Variants in PDIA4 observed in about 807,000 individuals in gnomAD.
PDIA4 encodes protein disulfide-isomerase A4.
Under a neutral mutation model 62.1 loss-of-function variants are expected in PDIA4, and 33 were observed. The ratio of observed to expected loss-of-function variants is 0.53; its 90% CI spans 0.40 to 0.71. The LOEUF (loss-of-function observed/expected upper bound fraction) is 0.71, where lower values mean the gene tolerates loss of function less well. PDIA4 is among the 30% of genes least tolerant of loss of function. The pLI is 0.00. For synonymous variants in PDIA4, 341 were observed against 324.1 expected (o/e 1.05, Z -0.56); for missense variants, 804 against 813.6 (o/e 0.99, Z 0.14).
intron 7 of PDIA4, 61 bp from the exon 8 acceptor site, chr7:149,006,114 CAAT>C: frequency 1.3e-6 from 2 of 1,511,394 alleles, no homozygotes; most frequent in South Asian, 1.4e-5. Flanking sequence ...TTCTTGAGTA[CAAT>C]GTTTGAGGGA....
intron 4 of PDIA4, among the ~76,000 whole-genome samples, chr7:149,012,998 A>G (rs1824003978): frequency 1.3e-5 from 2 of 152,130 alleles, no homozygotes; most frequent in Non-Finnish European, 2.9e-5. Flanking sequence ...CTGTAATCGC[A>G]GCACTTTGGG....
intron 6 of PDIA4, 148 bp downstream of exon 6, chr7:149,011,698 C>T (rs1332912605): frequency 6.4e-6 from 4 of 628,944 alleles, no homozygotes; most frequent in Non-Finnish European, 1.0e-5. Flanking sequence ...CCAGCCCCAA[C>T]TCCAACCCCA....
chr7:149,005,305 G>C lies in PDIA4; in HGVS notation c.1358C>G (p.Ala453Gly), dbSNP rs773691522. The C allele has an allele frequency of 6.2e-7, 1 of 1,614,028 alleles. No homozygotes were observed. Among genetic ancestry groups the C allele is most frequent in the Admixed American group, 1.7e-5 (1 of 60,018 alleles). ...KDFPEYTFAI[A>G]DEEDYAGEVK... The stretch of plus-strand genomic sequence containing the variant: ...CTCCCCAGCATAGTCCTCTTCGTCC[G>C]CAATGGCAAAGGTGTACTCAGGGAA... The change falls in exon 9 of 10, where the codon GCG becomes GGG. Residue 453 changes from alanine to glycine, a missense_variant. Transcript: ENST00000652332.
intron 8 of PDIA4, 94 bp downstream of exon 8, chr7:149,005,803 C>A: frequency 9.6e-7 from 1 of 1,038,746 alleles, no homozygotes; most frequent in Non-Finnish European, 1.4e-6. Context: ...GAGCCATGTA[C>A]ATACAGCCAC....
intron 1 of PDIA4, among the ~76,000 whole-genome samples, chr7:149,022,931 C>T (rs1243686094): frequency 6.6e-6 from 1 of 152,252 alleles, no homozygotes; most frequent in Non-Finnish European, 1.5e-5. Flanking sequence ...TCCTTTTAAA[C>T]ATCCCACAGC....
chr7:149,012,260 C>A lies in PDIA4; in HGVS notation c.715G>T (p.Ala239Ser), dbSNP rs779492257. Residue 239 changes from alanine to serine, a missense_variant, in exon 5 of 10, where the codon GCA (alanine) becomes TCA (serine). Coordinates refer to ENST00000652332, the MANE Select transcript of PDIA4 (RefSeq NM_004911.5). ...PIPLAKVDAT[A>S]ETDLAKRFDV... Reference sequence around the variant, plus strand: ...AACCTCTTGGCCAGGTCTGTTTCTGCGGTGGCGTCGACCTTTGCCAGGGGA... The same window carrying A: ...AACCTCTTGGCCAGGTCTGTTTCTGAGGTGGCGTCGACCTTTGCCAGGGGA... The A allele has an allele frequency of 1.5e-5, 24 of 1,613,954 alleles. No homozygotes were observed. In the South Asian group the frequency reaches 2.5e-4, roughly 17 times the overall value.
Position 149,003,791 on chromosome 7 carries a change from C to G in PDIA4, c.*3G>C. 6.5e-7 allele frequency: 1 copy of G among 1,530,620 alleles called. No homozygotes were observed. Among genetic ancestry groups the G allele is most frequent in the South Asian group, 1.3e-5 (1 of 76,448 alleles). The allele number at this position is 1,530,620 out of a possible 1,614,324, so 94.8% of individuals were successfully genotyped here. A position where few individuals can be genotyped will look rare whatever the true frequency, so the allele number is the denominator to read the frequency against. ...CCTCCCACCTTCCGCAGACCTCAGG[C>G]CTTCAAAGCTCTTCCTTGGTCCTGC... is the stretch of plus-strand genomic sequence containing the variant. On this transcript the variant is annotated 3_prime_UTR_variant, in exon 10 of 10. Transcript: ENST00000652332.
intron 1 of PDIA4, among the ~76,000 whole-genome samples, chr7:149,023,206 C>T (rs564523291): frequency 3.3e-5 from 5 of 152,288 alleles, no homozygotes; most frequent in South Asian, 4.1e-4. Flanking sequence ...CAGGCAGGGG[C>T]CAGGCTGACA....
intron 1 of PDIA4, among the ~76,000 whole-genome samples, chr7:149,024,863 G>A (rs1267845136): frequency 5.2e-5 from 7 of 135,800 alleles, no homozygotes; most frequent in Admixed American, 2.3e-4. Flanking sequence ...GATGGCTCAC[G>A]CCTGTAACCC....
chr7:149,015,146 C>T (rs1213330069), intron 3 of PDIA4, 104 bp from the exon 4 acceptor site: 33 of 1,174,678 alleles, frequency 2.8e-5, no homozygotes, highest in Non-Finnish European at 3.6e-5. Context: ...AGTGTCGGGG[C>T]CCACAAGAAC....
chr7:149,015,243 C>G (rs749381872), intron 3 of PDIA4, among the ~76,000 whole-genome samples: 1 of 152,116 alleles, frequency 6.6e-6, no homozygotes, highest in African/African-American at 2.4e-5. Context: ...TATTTCCCAA[C>G]AATTGTCCAT....
At position 149,012,149 on chromosome 7, in the gene PDIA4, C is replaced by T. The variant is rs781689302; in HGVS notation, c.820+6G>A. 5.0e-6 allele frequency: 8 copies of T among 1,613,922 alleles called. No homozygotes were observed. The East Asian group carries it at 1.6e-4, about 31-fold the overall frequency. ...ACTGTAGTGGGAGAGAAGGGAGTGG[C>T]CATACCATATTTTTCTCGTGGGCCG... On this transcript the variant is annotated splice_donor_region_variant and intron_variant, in intron 5 of 9. Transcript: ENST00000652332.
intron 3 of PDIA4, 116 bp from the exon 4 acceptor site, chr7:149,015,158 G>A: frequency 1.9e-6 from 2 of 1,032,186 alleles, no homozygotes; most frequent in Admixed American, 5.1e-5. Flanking sequence ...CACAAGAACA[G>A]GAGGTGTCTG....
At chr7:149,012,077 C>A in intron 5 of PDIA4, 73 bp from the exon 6 acceptor site, 6 of 1,607,746 alleles carry the variant, frequency 3.7e-6, no homozygotes, top group Non-Finnish European at 5.1e-6. Flanking sequence ...CCTGCCAGCC[C>A]CCAGCACCTT....
chr7:149,018,879 A>T, intron 3 of PDIA4, 113 bp downstream of exon 3: 1 of 400,598 alleles, frequency 2.5e-6, no homozygotes, highest in Non-Finnish European at 4.8e-6. Context: ...CAGAGGGCTA[A>T]GGTTCCTGAG....
intron 4 of PDIA4, among the ~76,000 whole-genome samples, chr7:149,012,629 G>C (rs1372928808): frequency 6.6e-6 from 1 of 152,134 alleles, no homozygotes; most frequent in African/African-American, 2.4e-5. Flanking sequence ...TAGTAACTGC[G>C]GCACAGGGGA....
chr7:149,022,547 G>A lies in PDIA4; in HGVS notation c.89-1400C>T, dbSNP rs78781043. ...TTAACGCTGAAGCCAGAATGTTTCC[G>A]GGGCCAATTATTCTTTTCTGGAGAT... is the stretch of plus-strand genomic sequence containing the variant. On this transcript the variant is annotated intron_variant, in intron 1 of 9. Coordinates refer to ENST00000652332, the MANE Select transcript of PDIA4 (RefSeq NM_004911.5). 7.4e-3 allele frequency among the ~76,000 whole-genome samples: 1,126 copies of A among 152,236 alleles called. 21 individuals carry two copies. The highest frequency in any genetic ancestry group is 0.024 in the African/African-American group (1,007 of 41,530).
intron 1 of PDIA4, among the ~76,000 whole-genome samples, chr7:149,023,498 A>T (rs1824426575): frequency 6.6e-6 from 1 of 151,990 alleles, no homozygotes; most frequent in African/African-American, 2.4e-5. Flanking sequence ...GTGGTCCCTG[A>T]GGGAGACCAC....
At chr7:149,020,799 C>T (rs149353188) in intron 2 of PDIA4, among the ~76,000 whole-genome samples, 168 bp downstream of exon 2, 3 of 152,270 alleles carry the variant, frequency 2.0e-5, no homozygotes, top group Non-Finnish European at 4.4e-5. Flanking sequence ...GGCCGTTCAA[C>T]GCACAGTGGT....
Sources: gnomAD v4.1 joint callset for allele counts (sites outside exome capture counted in the v4.1 genomes callset) on GRCh38, gnomAD v4.1.1 for gene constraint, MANE v1.5 for transcripts, NCBI Gene and HGNC (gene_info 2026-07-23, HGNC 2026-07-21) for gene names.